Variants in INCENP observed in about 807,000 individuals in gnomAD.
INCENP encodes inner centromere protein, also known as binds and activates aurora-B and -C in vivo and in vitro.
A neutral mutation model predicts 107.3 loss-of-function variants in INCENP; 43 were observed. That is an observed-to-expected ratio of 0.40 (90% CI 0.31 to 0.52). The LOEUF (loss-of-function observed/expected upper bound fraction) is 0.52. Ranked by LOEUF, INCENP falls within the 20% of genes least tolerant of loss-of-function variation. The pLI is 0.53. For synonymous variants in INCENP, 488 were observed against 494.4 expected, an observed-to-expected ratio of 0.99 and a Z score of 0.17; for missense variants, 1,089 against 1,250.9, an observed-to-expected ratio of 0.87 and a Z score of 1.95.
intron 15 of INCENP, 69 bp from the exon 16 acceptor site, chr11:62,148,407 C>T: frequency 1.4e-6 from 2 of 1,443,094 alleles, no homozygotes; most frequent in Non-Finnish European, 1.9e-6. Flanking sequence ...GTTTCCCCAG[C>T]AGGGATGGGA....
chr11:62,144,889 C>T (rs1944203650), intron 11 of INCENP, 93 bp from the exon 12 acceptor site: 6 of 1,138,908 alleles, frequency 5.3e-6, no homozygotes, highest in Middle Eastern at 2.0e-4. Flanking sequence ...ACCCACGTGG[C>T]TGCAGGCTGC....
chr11:62,143,094 T>G (rs1247078931), intron 11 of INCENP, among the ~76,000 whole-genome samples: 1 of 152,238 alleles, frequency 6.6e-6, no homozygotes, highest in African/African-American at 2.4e-5. Flanking sequence ...AGTTTTGACT[T>G]GGCAGCTTTC....
intron 8 of INCENP, 147 bp downstream of exon 8, chr11:62,140,432 G>A: frequency 1.3e-6 from 1 of 778,724 alleles, no homozygotes; most frequent in Non-Finnish European, 2.1e-6. Context: ...CTTAACCAAG[G>A]AGGCAGCTCC....
chr11:62,139,438 G>A (rs1196987394), intron 7 of INCENP, among the ~76,000 whole-genome samples: 1 of 152,220 alleles, frequency 6.6e-6, no homozygotes, highest in Non-Finnish European at 1.5e-5. Context: ...GAGAGCAGTG[G>A]GTTTGGGAGT....
intron 1 of INCENP, among the ~76,000 whole-genome samples, chr11:62,125,883 C>T (rs1943737867): frequency 6.6e-6 from 1 of 152,222 alleles, no homozygotes; most frequent in Non-Finnish European, 1.5e-5. Context: ...TAAACAAGCA[C>T]GCAAGTGCTC....
At position 62,130,531 on chromosome 11, in the gene INCENP, C is replaced by T. The variant is rs372846330; in HGVS notation, c.1004C>T (p.Ala335Val). The change falls in exon 4 of 19, where the codon GCG becomes GTG. Residue 335 changes from alanine to valine, a missense_variant. Coordinates refer to ENST00000394818, the MANE Select transcript of INCENP (RefSeq NM_001040694.2). ...AAACAGGAAAGTGTTGTCCGCAGGG[C>T]GAGCAGAAGGCTTGCCAAGAAGACT... ...VAKQESVVRR[A>V]SRRLAKKTAE... is the part of the protein sequence containing the mutation. 18 of 1,613,908 alleles carry T rather than the reference C, an allele frequency of 1.1e-5. No homozygotes were observed. The highest frequency in any genetic ancestry group is 1.6e-4 in the Middle Eastern group (1 of 6,084).
At chr11:62,137,330 C>T (rs960190920) in intron 4 of INCENP, among the ~76,000 whole-genome samples, 3 of 152,226 alleles carry the variant, frequency 2.0e-5, no homozygotes, top group African/African-American at 7.2e-5. Context: ...TTTCTCTGCT[C>T]TGTTCCACCA....
intron 11 of INCENP, 120 bp downstream of exon 11, chr11:62,141,631 C>A: frequency 1.5e-6 from 2 of 1,347,144 alleles, no homozygotes; most frequent in South Asian, 1.2e-5. Flanking sequence ...GGGAGGGGAG[C>A]CTTAGGAAGA....
intron 4 of INCENP, among the ~76,000 whole-genome samples, chr11:62,135,251 C>G (rs937473167): frequency 1.3e-5 from 2 of 151,940 alleles, no homozygotes; most frequent in African/African-American, 4.8e-5. Flanking sequence ...CTACCTTGCA[C>G]TTTGTTTTGT....
intron 7 of INCENP, among the ~76,000 whole-genome samples, chr11:62,139,829 G>A (rs1339440909): frequency 1.3e-5 from 2 of 152,204 alleles, no homozygotes; most frequent in African/African-American, 4.8e-5. Context: ...GGTGGGTGGG[G>A]CACGTCTGGG....
chr11:62,137,758 G>A, intron 4 of INCENP, 74 bp from the exon 5 acceptor site: 2 of 1,415,460 alleles, frequency 1.4e-6, no homozygotes, highest in Non-Finnish European at 1.0e-6. Flanking sequence ...CTGGAACCCG[G>A]TCCCCTGGAC....
intron 4 of INCENP, among the ~76,000 whole-genome samples, chr11:62,133,804 C>T (rs747209015): frequency 6.6e-6 from 1 of 152,140 alleles, no homozygotes; most frequent in Non-Finnish European, 1.5e-5. Context: ...CCCGGCGCTG[C>T]AGCTGCTCCC....
In INCENP at chr11:62,138,728, AC is replaced by A. The variant is rs34042792; in HGVS notation, c.1137del (p.Glu380ArgfsTer78). 1 of 1,613,794 alleles carries A rather than the reference AC, an allele frequency of 6.2e-7. No individual in the cohort carries two copies. Among genetic ancestry groups the A allele is most frequent in the Non-Finnish European group, 8.5e-7 (1 of 1,179,950 alleles). On this transcript the variant is annotated frameshift_variant, in exon 6 of 19. Coordinates refer to ENST00000394818, the MANE Select transcript of INCENP (RefSeq NM_001040694.2). ...CTGTTTTCAGTTCTGAGCAGAAGGA[AC>A]CCCCCGAGGAGGCTGAGCCTGTGGC... ...PQKVGSEQKEPPEEAEPVAAA... is the reference protein window; with the variant it reads ...PQKVGSEQKEXPEEAEPVAAA...
Position 62,130,421 on chromosome 11 carries a change from G to A in INCENP, c.894G>A (p.Thr298=), listed in dbSNP as rs760253258. 3.5e-5 allele frequency: 57 copies of A among 1,613,632 alleles called. No homozygotes were observed. The highest frequency in any genetic ancestry group is 1.7e-4 in the Admixed American group (10 of 60,008). The change falls in exon 4 of 19, where the codon ACG becomes ACA. Residue 298 remains threonine, a synonymous_variant. Coordinates refer to ENST00000394818, the MANE Select transcript of INCENP (RefSeq NM_001040694.2). ...DNFSTPTGSR[T]DSQSVRHSPI... ...TCTCCACGCCCACGGGCTCTCGCAC[G>A]GACTCTCAATCGGTGCGGCACAGCC...
chr11:62,152,986 C>G lies in INCENP; in HGVS notation c.*1010C>G, dbSNP rs944043663. 3 of 152,164 alleles carry G rather than the reference C, an allele frequency of 2.0e-5. No individual in the cohort carries two copies. Among genetic ancestry groups the G allele is most frequent in the African/African-American group, 7.2e-5 (3 of 41,446 alleles). The allele number at this position is 152,164 out of a possible 1,614,324, so 9.4% of individuals were successfully genotyped here. A position where few individuals can be genotyped will look rare whatever the true frequency, so the allele number is the denominator to read the frequency against. Reference sequence around the variant, plus strand: ...CACAGTCGGTTCTTTAAAGTTTTATCGAAACACAAGCAATGGAAATGCCCA... The same window carrying G: ...CACAGTCGGTTCTTTAAAGTTTTATGGAAACACAAGCAATGGAAATGCCCA... On this transcript the variant is annotated 3_prime_UTR_variant, in exon 19 of 19. Transcript: ENST00000394818.
chr11:62,139,832 C>T (rs540528283), intron 7 of INCENP, among the ~76,000 whole-genome samples: 24 of 152,322 alleles, frequency 1.6e-4, no homozygotes, highest in Admixed American at 1.3e-3. Flanking sequence ...GGGTGGGGCA[C>T]GTCTGGGGCT....
Position 62,145,688 on chromosome 11 carries a change from G to T in INCENP, c.1896G>T (p.Met632Ile). Residue 632 changes from methionine (M) to isoleucine (I), a missense_variant, in exon 14 of 19, where the codon ATG (methionine) becomes ATT (isoleucine). Met to Ile is a conservative substitution (Grantham distance 10). Transcript: ENST00000394818. ...KAKKKAAAKK[M>I]EEVEARRKQE... Reference sequence around the variant, plus strand: ...AGAAAAAGGCGGCGGCCAAGAAGATGGAGGAGGTGGAAGCACGCAGGAAGC... The same window carrying T: ...AGAAAAAGGCGGCGGCCAAGAAGATTGAGGAGGTGGAAGCACGCAGGAAGC... 1 of 1,568,906 alleles carries T rather than the reference G, an allele frequency of 6.4e-7. No homozygotes were observed. The highest frequency in any genetic ancestry group is 1.9e-5 in the Admixed American group (1 of 52,918).
chr11:62,140,376 C>T, intron 8 of INCENP, 91 bp downstream of exon 8: 1 of 1,128,276 alleles, frequency 8.9e-7, no homozygotes, highest in Non-Finnish European at 1.3e-6. Context: ...GATGTGTGCT[C>T]AGGGGCTTCA....
In INCENP at chr11:62,138,891, C is replaced by T; in HGVS notation, c.1177C>T (p.Pro393Ser). The T allele has an allele frequency of 6.2e-6, 10 of 1,612,472 alleles. No homozygotes were observed. Among genetic ancestry groups the T allele is most frequent in the South Asian group, 1.1e-5 (1 of 91,062 alleles). ...AAAGCCTTGGTTCTTTCCACAGGTC[C>T]CTGAGAACAATGGAAATAACTCGTG... is the stretch of plus-strand genomic sequence containing the variant. Reference protein sequence around the residue: ...EPVAAAEPEVPENNGNNSWPH... With the variant: ...EPVAAAEPEVSENNGNNSWPH... Residue 393 changes from proline to serine, a missense_variant, in exon 7 of 19, where the codon CCT (proline) becomes TCT (serine). By Grantham distance (74) the Pro-to-Ser change is moderately conservative (BLOSUM62 -1). Coordinates refer to ENST00000394818, the MANE Select transcript of INCENP (RefSeq NM_001040694.2).
Sources: gnomAD v4.1 joint callset for allele counts (sites outside exome capture counted in the v4.1 genomes callset) on GRCh38, gnomAD v4.1.1 for gene constraint, MANE v1.5 for transcripts, NCBI Gene and HGNC (gene_info 2026-07-23, HGNC 2026-07-21) for gene names.